The following CCSER1 variants were observed in gnomAD, a reference collection of about 807,000 sequenced individuals.
The protein encoded by CCSER1 is coiled-coil serine rich protein 1, also known as serine-rich coiled-coil domain-containing protein 1.
In CCSER1, 41 loss-of-function variants were observed where a neutral mutation model predicts 82.0. The ratio of observed to expected loss-of-function variants is 0.50; its 90% CI spans 0.39 to 0.65. The LOEUF is 0.65. CCSER1 is among the 30% of genes least tolerant of loss of function. The pLI is 0.00. For synonymous variants in CCSER1, 414 were observed against 383.9 expected, an observed-to-expected ratio of 1.08 and a Z score of -0.92; for missense variants, 1,119 against 1,064.2, an observed-to-expected ratio of 1.05 and a Z score of -0.72.
intron 10 of CCSER1, among the ~76,000 whole-genome samples, chr4:91,453,124 C>A (rs1755958333): frequency 6.6e-6 from 1 of 151,994 alleles, no homozygotes; most frequent in African/African-American, 2.4e-5. Context: ...ATGATTTATA[C>A]ATTATCATTT....
intron 10 of CCSER1, among the ~76,000 whole-genome samples, chr4:91,177,975 G>A (rs1048594807): frequency 2.1e-4 from 32 of 152,236 alleles, no homozygotes; most frequent in Admixed American, 2.6e-4. Context: ...TCTACATACC[G>A]CTTTAAATGT....
chr4:90,932,966 GAAAGAAAGAAAGAAAGAGAA>G lies in CCSER1; in HGVS notation c.2172+9521_2172+9540del, dbSNP rs1561384732. 6.7e-4 allele frequency among the ~76,000 whole-genome samples: 23 copies of G among 34,176 alleles called. 1 individual carries two copies. The highest frequency in any genetic ancestry group is 8.8e-4 in the Non-Finnish European group (17 of 19,324). 22.4% of individuals were successfully genotyped at this position (34,176 alleles called of 152,430 possible). On this transcript the variant is annotated intron_variant, in intron 9 of 10. Transcript: ENST00000509176. ...AGAAAGAAAGAAAGAAAGAAAGAAAGAAAGAAAGAAAGAAAGAGAAAGAAAGAAAGAAAGAAAGAAAGAAA... is the reference window on the plus strand; with the variant it reads ...AGAAAGAAAGAAAGAAAGAAAGAAAGAGAAAGAAAGAAAGAAAGAAAGAAA...
intron 4 of CCSER1, among the ~76,000 whole-genome samples, chr4:90,408,865 A>G (rs1223923127): frequency 6.6e-6 from 1 of 152,198 alleles, no homozygotes; most frequent in African/African-American, 2.4e-5. Flanking sequence ...ACAAATGGCA[A>G]AGAAGTTAAA....
At chr4:90,255,315 A>G (rs1162758479) in intron 1 of CCSER1, among the ~76,000 whole-genome samples, 3 of 152,156 alleles carry the variant, frequency 2.0e-5, no homozygotes, top group Non-Finnish European at 4.4e-5. Context: ...ATTCACAAGT[A>G]GAAGGTTGCT....
At chr4:90,986,995 A>G (rs966290250) in intron 9 of CCSER1, among the ~76,000 whole-genome samples, 3 of 151,604 alleles carry the variant, frequency 2.0e-5, no homozygotes, top group Non-Finnish European at 4.4e-5. Flanking sequence ...GCAGATGGTC[A>G]TAAGTGAAGT....
At chr4:91,370,949 C>T (rs1749999891) in intron 10 of CCSER1, among the ~76,000 whole-genome samples, 1 of 152,004 alleles carries the variant, frequency 6.6e-6, no homozygotes, top group Non-Finnish European at 1.5e-5. Context: ...GCAACCTCCG[C>T]CTCCTGGGTT....
chr4:91,321,514 C>G (rs1746192068), intron 10 of CCSER1, among the ~76,000 whole-genome samples: 1 of 151,950 alleles, frequency 6.6e-6, no homozygotes, highest in South Asian at 2.1e-4. Flanking sequence ...TGAAAATAAA[C>G]AGTTTTGCCT....
chr4:90,969,062 G>T (rs1369142576), intron 9 of CCSER1, among the ~76,000 whole-genome samples: 2 of 151,638 alleles, frequency 1.3e-5, no homozygotes, highest in African/African-American at 4.9e-5. Context: ...TCAAGCAGAA[G>T]AAAGCATCTG....
intron 7 of CCSER1, among the ~76,000 whole-genome samples, chr4:90,729,301 T>A (rs1396931448): frequency 6.6e-6 from 1 of 152,198 alleles, no homozygotes; most frequent in Non-Finnish European, 1.5e-5. Flanking sequence ...TCCTACTACT[T>A]TATTTTCAAA....
chr4:90,582,044 G>A (rs1367478660), intron 5 of CCSER1, among the ~76,000 whole-genome samples: 1 of 151,808 alleles, frequency 6.6e-6, no homozygotes, highest in Non-Finnish European at 1.5e-5. Context: ...TCCCATTTCT[G>A]CATTTCTTGG....
At chr4:90,814,970 C>A (rs1758808669) in intron 7 of CCSER1, among the ~76,000 whole-genome samples, 1 of 152,248 alleles carries the variant, frequency 6.6e-6, no homozygotes, top group East Asian at 1.9e-4. Flanking sequence ...ATCTTTATAG[C>A]AGTGCCCCAC....
chr4:91,405,052 G>A (rs1196592017), intron 10 of CCSER1, among the ~76,000 whole-genome samples: 1 of 152,142 alleles, frequency 6.6e-6, no homozygotes, highest in African/African-American at 2.4e-5. Context: ...AGGTCTCTAA[G>A]GACTTGGCTT....
At chr4:91,386,789 A>G (rs1328113259) in intron 10 of CCSER1, among the ~76,000 whole-genome samples, 1 of 152,084 alleles carries the variant, frequency 6.6e-6, no homozygotes, top group South Asian at 2.1e-4. Context: ...ACATATATAC[A>G]TGTATATATA....
At chr4:91,485,300 G>C (rs1203844552) in intron 10 of CCSER1, among the ~76,000 whole-genome samples, 2 of 152,092 alleles carry the variant, frequency 1.3e-5, no homozygotes, top group African/African-American at 4.8e-5. Flanking sequence ...GCTCCAAAAA[G>C]ACTCAAATGT....
At chr4:90,165,811 T>A (rs988528921) in intron 1 of CCSER1, among the ~76,000 whole-genome samples, 1 of 152,002 alleles carries the variant, frequency 6.6e-6, no homozygotes, top group African/African-American at 2.4e-5. Flanking sequence ...CAGTGAAGTA[T>A]GAGGCAAGCT....
intron 5 of CCSER1, among the ~76,000 whole-genome samples, chr4:90,505,134 A>G (rs1018918136): frequency 5.3e-5 from 8 of 152,220 alleles, no homozygotes; most frequent in African/African-American, 7.2e-5. Flanking sequence ...TGAAATAAAC[A>G]TAAGCATGCA....
chr4:90,189,639 C>T (rs1735263294), intron 1 of CCSER1, among the ~76,000 whole-genome samples: 1 of 151,660 alleles, frequency 6.6e-6, no homozygotes. Context: ...CTGTTATATC[C>T]TGCAGAATTT....
chr4:90,340,340 A>G (rs1222276016), intron 3 of CCSER1, among the ~76,000 whole-genome samples: 2 of 152,184 alleles, frequency 1.3e-5, no homozygotes, highest in African/African-American at 4.8e-5. Context: ...AACTAAAAGC[A>G]AGCGGAGTTT....
At chr4:90,724,447 A>C (rs888037116) in intron 7 of CCSER1, among the ~76,000 whole-genome samples, 10 of 151,978 alleles carry the variant, frequency 6.6e-5, no homozygotes, top group Admixed American at 6.6e-4. Context: ...TCATTCCACC[A>C]AACATATTGT....
Sources: allele counts gnomAD v4.1 joint callset (sites outside exome capture counted in the v4.1 genomes callset), GRCh38; gene constraint gnomAD v4.1.1; transcripts MANE v1.5; gene names NCBI Gene and HGNC (gene_info 2026-07-23, HGNC 2026-07-21).